Variants in SYNCRIP observed in about 807,000 individuals in gnomAD.
SYNCRIP encodes heterogeneous nuclear ribonucleoprotein Q.
A neutral mutation model predicts 68.9 loss-of-function variants in SYNCRIP; 9 were observed. The ratio of observed to expected loss-of-function variants is 0.13; its 90% confidence interval spans 0.08 to 0.23. SYNCRIP has a LOEUF of 0.23. Ranked by LOEUF, SYNCRIP falls within the 10% of genes least tolerant of loss-of-function variation. The probability of loss-of-function intolerance (pLI) is 1.00; values close to 1 mark genes in which losing one functional copy is unlikely to be tolerated. For missense variants in SYNCRIP, 414 were observed against 770.6 expected (o/e 0.54, Z 5.48); for synonymous variants, 258 against 254.0 (o/e 1.02, Z -0.15).
At chr6:85,629,970 A>G (rs2128293266) in intron 6 of SYNCRIP, among the ~76,000 whole-genome samples, 1 of 149,192 alleles carries the variant, frequency 6.7e-6, no homozygotes, top group East Asian at 2.0e-4. Flanking sequence ...GTTGAGAGTG[A>G]GGATTTGTCT....
intron 7 of SYNCRIP, among the ~76,000 whole-genome samples, chr6:85,623,151 A>G (rs751007242): frequency 3.3e-5 from 5 of 152,344 alleles, no homozygotes; most frequent in African/African-American, 4.8e-5. Flanking sequence ...CTGAAAGTTG[A>G]TAACAGGCTG....
chr6:85,627,556 T>C (rs1177585150), intron 6 of SYNCRIP, among the ~76,000 whole-genome samples: 1 of 151,994 alleles, frequency 6.6e-6, no homozygotes, highest in Admixed American at 6.6e-5. Context: ...CCCAGCAAGA[T>C]GGGTAACAGT....
chr6:85,640,849 G>T (rs191810026), intron 2 of SYNCRIP, among the ~76,000 whole-genome samples: 17 of 152,200 alleles, frequency 1.1e-4, no homozygotes, highest in African/African-American at 4.1e-4. Context: ...ACAGACTTAC[G>T]AATCCTAGAA....
intron 4 of SYNCRIP, among the ~76,000 whole-genome samples, chr6:85,639,290 GT>G (rs1270401166): frequency 1.3e-5 from 2 of 152,068 alleles, no homozygotes; most frequent in Non-Finnish European, 2.9e-5. Flanking sequence ...CAAACTAAAA[GT>G]TTAAAAACTT....
intron 4 of SYNCRIP, among the ~76,000 whole-genome samples, chr6:85,639,132 C>T (rs1808832391): frequency 6.6e-6 from 1 of 152,044 alleles, no homozygotes; most frequent in African/African-American, 2.4e-5. Flanking sequence ...TGCTCGAACC[C>T]GCGAGGTGGA....
At chr6:85,618,556 A>G (rs1281280034) in intron 10 of SYNCRIP, among the ~76,000 whole-genome samples, 4 of 152,046 alleles carry the variant, frequency 2.6e-5, no homozygotes, top group Admixed American at 6.6e-5. Flanking sequence ...ACAAAACAAA[A>G]AAAAAGCTAG....
intron 3 of SYNCRIP, 24 bp downstream of exon 3, chr6:85,640,422 T>C: frequency 2.5e-6 from 4 of 1,588,540 alleles, no homozygotes; most frequent in Non-Finnish European, 3.4e-6. Context: ...AATTTTTTAA[T>C]TTTCACATTG....
intron 6 of SYNCRIP, among the ~76,000 whole-genome samples, chr6:85,627,017 G>A (rs781133636): frequency 6.6e-5 from 10 of 152,152 alleles, no homozygotes; most frequent in Non-Finnish European, 8.8e-5. Flanking sequence ...TGTACTCCTA[G>A]CATTTTGGGA....
Position 85,615,086 on chromosome 6 carries a change from A to T in SYNCRIP, c.1542T>A (p.Ala514=). ...AACCGGCTCTACCGCGGGGAGGAGC[A>T]GCCCCACGACCTCTGGATGGAGCAG... The part of the protein sequence containing the change: ...RGAAPSRGRG[A]APPRGRAGYS... Residue 514 remains alanine (A), a synonymous_variant, in exon 11 of 11, where the codon GCT becomes GCA. Coordinates refer to ENST00000369622, the MANE Select transcript of SYNCRIP (RefSeq NM_006372.5). The T allele has an allele frequency of 6.2e-7, 1 of 1,614,122 alleles. No homozygotes were observed. The highest frequency in any genetic ancestry group is 1.1e-5 in the South Asian group (1 of 91,086).
In SYNCRIP at chr6:85,624,032, A is replaced by G. The variant is rs539499013; in HGVS notation, c.747T>C (p.Ser249=). Reference sequence around the variant, plus strand: ...GTTCCTTGGTTTTACTCTTAGGAATAGAGCCCACAAAAAGCCTATTGTTGG... The same window carrying G: ...GTTCCTTGGTTTTACTCTTAGGAATGGAGCCCACAAAAAGCCTATTGTTGG... ...SVANNRLFVG[S]IPKSKTKEQI... is the part of the protein sequence containing the mutation. The change falls in exon 7 of 11, where the codon TCT becomes TCC. Residue 249 remains serine (S), a synonymous_variant. Transcript: ENST00000369622. The G allele has an allele frequency of 1.9e-6, 3 of 1,614,018 alleles. No individual in the cohort carries two copies. The East Asian group carries it at 6.7e-5, about 36-fold the overall frequency.
In SYNCRIP at chr6:85,614,345, A is replaced by G; in HGVS notation, c.*411T>C. On this transcript the variant is annotated 3_prime_UTR_variant, in exon 11 of 11. Transcript: ENST00000369622. ...TAGCAGTTGTGTATCAATTTACCTT[A>G]TTCTAGCAATTTAAGTTGGTAACAT... 4 of 988,934 alleles carry G rather than the reference A, an allele frequency of 4.0e-6. No individual in the cohort carries two copies. The highest frequency in any genetic ancestry group is 4.8e-6 in the Non-Finnish European group (4 of 832,180). 61.3% of individuals were successfully genotyped at this position (988,934 alleles called of 1,614,324 possible). A position where few individuals can be genotyped will look rare whatever the true frequency, so the allele number is the denominator to read the frequency against.
At chr6:85,611,980 C>T (rs1423856400), downstream of SYNCRIP, 1 of 152,252 alleles carries the variant, frequency 6.6e-6, no homozygotes, top group African/African-American at 2.4e-5. Context: ...TTTTGAACAT[C>T]TGATGTCTTA....
chr6:85,636,696 T>A (rs1429836952), intron 6 of SYNCRIP, among the ~76,000 whole-genome samples: 2 of 152,134 alleles, frequency 1.3e-5, no homozygotes, highest in African/African-American at 4.8e-5. Flanking sequence ...TCCTATAAAT[T>A]TAAACAAACA....
chr6:85,619,852 T>G (rs1806189806), intron 8 of SYNCRIP, among the ~76,000 whole-genome samples: 1 of 152,092 alleles, frequency 6.6e-6, no homozygotes, highest in Non-Finnish European at 1.5e-5. Flanking sequence ...AACACACACT[T>G]CCATATGACC....
chr6:85,640,651 G>T, intron 2 of SYNCRIP, 87 bp from the exon 3 acceptor site: 1 of 722,728 alleles, frequency 1.4e-6, no homozygotes, highest in Non-Finnish European at 2.2e-6. Flanking sequence ...GTACATGTGT[G>T]CCTTTACAAT....
intron 8 of SYNCRIP, among the ~76,000 whole-genome samples, chr6:85,619,919 T>TA (rs1216995668): frequency 6.6e-6 from 1 of 152,084 alleles, no homozygotes; most frequent in Non-Finnish European, 1.5e-5. Flanking sequence ...CACAAAAACT[T>TA]AGAGAGAGAT....
chr6:85,609,774 T>C (rs191465316), downstream of SYNCRIP: 5 of 152,124 alleles, frequency 3.3e-5, no homozygotes, highest in East Asian at 9.6e-4. Context: ...TTAAGTTTTC[T>C]TTTTAACATC....
intron 6 of SYNCRIP, among the ~76,000 whole-genome samples, chr6:85,626,464 AG>A (rs763804246): frequency 3.3e-5 from 5 of 152,018 alleles, no homozygotes; most frequent in East Asian, 3.9e-4. Flanking sequence ...TGGTATAATG[AG>A]GGGGGGAACT....
intron 8 of SYNCRIP, among the ~76,000 whole-genome samples, chr6:85,622,071 T>TA (rs948440055): frequency 8.6e-5 from 13 of 150,556 alleles, no homozygotes; most frequent in African/African-American, 2.0e-4. Flanking sequence ...AAATATGGTT[T>TA]AAAAAAAAAT....
Sources: allele counts gnomAD v4.1 joint callset (sites outside exome capture counted in the v4.1 genomes callset), GRCh38; gene constraint gnomAD v4.1.1; transcripts MANE v1.5; gene names NCBI Gene and HGNC (gene_info 2026-07-23, HGNC 2026-07-21).